The following KLF7 variants were observed in gnomAD, a reference collection of about 807,000 sequenced individuals.
KLF7 encodes KLF transcription factor 7.
In KLF7, 2 loss-of-function variants were observed where a neutral mutation model predicts 27.3. The observed-to-expected ratio is 0.07, with a 90% CI of 0.03 to 0.23. The LOEUF is 0.23. KLF7 is among the 10% of genes least tolerant of loss of function. KLF7 has a pLI of 1.00. For synonymous variants in KLF7, 165 were observed against 162.4 expected (o/e 1.02, Z -0.12); for missense variants, 221 against 394.1 (o/e 0.56, Z 3.72).
chr2:207,136,533 C>T (rs1304574633), intron 1 of KLF7, among the ~76,000 whole-genome samples: 1 of 152,170 alleles, frequency 6.6e-6, no homozygotes, highest in Non-Finnish European at 1.5e-5. Flanking sequence ...CTAGGCCAAA[C>T]AGCCCATTCA....
intron 2 of KLF7, among the ~76,000 whole-genome samples, chr2:207,114,195 G>C (rs2077115669): frequency 6.6e-6 from 1 of 152,134 alleles, no homozygotes; most frequent in Non-Finnish European, 1.5e-5. Flanking sequence ...CGAACACTAG[G>C]AACATAAAAT....
intron 2 of KLF7, among the ~76,000 whole-genome samples, chr2:207,122,777 T>G: frequency 6.6e-6 from 1 of 152,296 alleles, no homozygotes; most frequent in Non-Finnish European, 1.5e-5. Context: ...GCTTTTATAC[T>G]TCCACTTACA....
At chr2:207,166,851 C>T, upstream of KLF7, 2 of 1,052,302 alleles carry the variant, frequency 1.9e-6, no homozygotes, top group Non-Finnish European at 2.3e-6. Context: ...GGAAGTGCCA[C>T]ACAATGGGAG....
At chr2:207,139,989 A>G (rs1021628352) in intron 1 of KLF7, among the ~76,000 whole-genome samples, 3 of 152,182 alleles carry the variant, frequency 2.0e-5, no homozygotes, top group African/African-American at 7.2e-5. Context: ...CCCAGGTTCA[A>G]GCGATTCTCC....
At chr2:207,156,482 A>C (rs2078387023) in intron 1 of KLF7, among the ~76,000 whole-genome samples, 2 of 152,232 alleles carry the variant, frequency 1.3e-5, no homozygotes, top group Admixed American at 1.3e-4. Context: ...ACAGATGTAC[A>C]TGCATGCATC....
Position 207,076,016 on chromosome 2 carries a change from G to A in KLF7, c.*5197C>T, listed in dbSNP as rs2076170741. On this transcript the variant is annotated 3_prime_UTR_variant, in exon 4 of 4. Transcript: ENST00000309446. Reference sequence around the variant, plus strand: ...CTCCCCGCTATGTGGAACTCCCAGTGTGGTTTCGATATACTGGCAATTATA... The same window carrying A: ...CTCCCCGCTATGTGGAACTCCCAGTATGGTTTCGATATACTGGCAATTATA... 1 of 151,624 alleles carries A rather than the reference G, an allele frequency of 6.6e-6. No homozygotes were observed. Among genetic ancestry groups the A allele is most frequent in the Non-Finnish European group, 1.5e-5 (1 of 67,948 alleles). 9.4% of individuals were successfully genotyped at this position (151,624 alleles called of 1,614,324 possible).
chr2:207,107,500 C>T (rs1200022974), intron 2 of KLF7, among the ~76,000 whole-genome samples: 5 of 152,174 alleles, frequency 3.3e-5, no homozygotes, highest in African/African-American at 1.2e-4. Flanking sequence ...CCGTAAATCA[C>T]AAATATGAGT....
At chr2:207,150,995 A>AT (rs1169450879) in intron 1 of KLF7, among the ~76,000 whole-genome samples, 33 of 117,240 alleles carry the variant, frequency 2.8e-4, no homozygotes, top group African/African-American at 9.9e-4. Flanking sequence ...TGTTCTCTTT[A>AT]TTAAAAAAAA....
At chr2:207,113,133 G>A (rs949190916) in intron 2 of KLF7, among the ~76,000 whole-genome samples, 1 of 152,160 alleles carries the variant, frequency 6.6e-6, no homozygotes, top group African/African-American at 2.4e-5. Flanking sequence ...TAAGAAATAA[G>A]GTGGCACTAT....
In KLF7 at chr2:207,080,816, C is replaced by A. The variant is rs2076252362; in HGVS notation, c.*397G>T. 2 of 403,656 alleles carry A rather than the reference C, an allele frequency of 5.0e-6. No individual in the cohort carries two copies. Among genetic ancestry groups the A allele is most frequent in the Non-Finnish European group, 8.7e-6 (2 of 228,852 alleles). 25.0% of individuals were successfully genotyped at this position (403,656 alleles called of 1,614,324 possible). On this transcript the variant is annotated 3_prime_UTR_variant, in exon 4 of 4. Coordinates refer to ENST00000309446, the MANE Select transcript of KLF7 (RefSeq NM_003709.4). ...GCACTGAGAAGCAAGTGAAATAAGC[C>A]CCTCGGACTGCCGTCCACCTGCACA...
intron 2 of KLF7, among the ~76,000 whole-genome samples, chr2:207,090,056 A>C (rs1363366023): frequency 6.6e-6 from 1 of 152,192 alleles, no homozygotes; most frequent in Non-Finnish European, 1.5e-5. Context: ...TATCACCTAG[A>C]ATCAAACCAA....
chr2:207,134,149 C>G, intron 1 of KLF7: 1 of 1,392,144 alleles, frequency 7.2e-7, no homozygotes, highest in South Asian at 1.5e-5. Flanking sequence ...ACTCGGGCTA[C>G]TGGGATTTTT....
intron 2 of KLF7, among the ~76,000 whole-genome samples, chr2:207,122,658 C>T (rs1164757499): frequency 6.6e-6 from 1 of 152,102 alleles, no homozygotes; most frequent in East Asian, 1.9e-4. Flanking sequence ...ATTTTCCAGC[C>T]AGCAATCTCT....
At chr2:207,087,875 AG>A (rs34807816) in intron 3 of KLF7, among the ~76,000 whole-genome samples, 1 of 152,220 alleles carries the variant, frequency 6.6e-6, no homozygotes, top group African/African-American at 2.4e-5. Flanking sequence ...ATTGAATTAC[AG>A]GAGGAGTTCT....
At chr2:207,166,296 C>T (rs892598992), upstream of KLF7, 1 of 479,056 alleles carries the variant, frequency 2.1e-6, no homozygotes, top group Non-Finnish European at 2.7e-6. Context: ...GATTGGCACG[C>T]TGCGGATCTC....
chr2:207,146,656 C>A (rs1265667052), intron 1 of KLF7, among the ~76,000 whole-genome samples: 1 of 152,106 alleles, frequency 6.6e-6, no homozygotes, highest in Non-Finnish European at 1.5e-5. Flanking sequence ...GGCTTCTGGA[C>A]TTCCTTTCTT....
In KLF7 at chr2:207,165,833, C is replaced by T. The variant is rs950029430; in HGVS notation, c.-265G>A. Reference sequence around the variant, plus strand: ...GCAGACGACTGCCAGGAAAAGGGGACTTCTCCACGGGAGTAACAATTCCCT... The same window carrying T: ...GCAGACGACTGCCAGGAAAAGGGGATTTCTCCACGGGAGTAACAATTCCCT... On this transcript the variant is annotated 5_prime_UTR_variant, in exon 1 of 4. Coordinates refer to ENST00000309446, the MANE Select transcript of KLF7 (RefSeq NM_003709.4). 9 of 1,320,756 alleles carry T rather than the reference C, an allele frequency of 6.8e-6. No homozygotes were observed. In the East Asian group the frequency reaches 8.4e-5, roughly 12 times the overall value. 81.8% of individuals were successfully genotyped at this position (1,320,756 alleles called of 1,614,324 possible). A position where few individuals can be genotyped will look rare whatever the true frequency, so the allele number is the denominator to read the frequency against.
At chr2:207,088,738 G>GT (rs916939002) in intron 2 of KLF7, among the ~76,000 whole-genome samples, 157 bp from the exon 3 acceptor site, 24 of 151,760 alleles carry the variant, frequency 1.6e-4, no homozygotes, top group Non-Finnish European at 1.9e-4. Context: ...TGTCTTTTGG[G>GT]TTTTTTTTCC....
At chr2:207,132,040 A>C (rs1025590139) in intron 1 of KLF7, among the ~76,000 whole-genome samples, 1 of 152,190 alleles carries the variant, frequency 6.6e-6, no homozygotes, top group Non-Finnish European at 1.5e-5. Flanking sequence ...TCCTAACAAG[A>C]TATTAAGCAT....
Sources: gnomAD v4.1 joint callset for allele counts (sites outside exome capture counted in the v4.1 genomes callset) on GRCh38, gnomAD v4.1.1 for gene constraint, MANE v1.5 for transcripts, NCBI Gene and HGNC (gene_info 2026-07-23, HGNC 2026-07-21) for gene names.